The following EXOC4 variants were observed in gnomAD, a reference collection of about 807,000 sequenced individuals.
EXOC4 encodes SEC8-like 1.
In EXOC4, 71 loss-of-function variants were observed where a neutral mutation model predicts 107.2. That is an observed-to-expected ratio of 0.66 (90% CI 0.55 to 0.81). EXOC4 has a LOEUF of 0.81. Ranked by LOEUF, EXOC4 falls within the 30% of genes least tolerant of loss-of-function variation. The pLI, the probability that EXOC4 is intolerant of heterozygous loss-of-function variation, is 0.00. For missense variants in EXOC4, 1,108 were observed against 1,189.6 expected (o/e 0.93, Z 1.01); for synonymous variants, 456 against 441.2 (o/e 1.03, Z -0.42).
the EXOC4 span, among the ~76,000 whole-genome samples, chr7:134,073,995 C>T: frequency 9.2e-5 from 14 of 152,190 alleles, no homozygotes; most frequent in Middle Eastern, 3.2e-3. Context: ...GGCTTTGTTC[C>T]GGGGACCTCC....
At chr7:133,786,502 G>C (rs778938115) in intron 10 of EXOC4, among the ~76,000 whole-genome samples, 21 of 152,204 alleles carry the variant, frequency 1.4e-4, no homozygotes, top group Non-Finnish European at 2.2e-4. Flanking sequence ...GGCCCAGAAC[G>C]TAACTTAGAA....
At chr7:133,452,739 G>T (rs932998984) in intron 7 of EXOC4, among the ~76,000 whole-genome samples, 1 of 151,914 alleles carries the variant, frequency 6.6e-6, no homozygotes, top group African/African-American at 2.4e-5. Flanking sequence ...GTGCTTAGCA[G>T]TGATGACAGA....
At chr7:133,820,827 A>C (rs779451813) in intron 11 of EXOC4, among the ~76,000 whole-genome samples, 1 of 152,200 alleles carries the variant, frequency 6.6e-6, no homozygotes, top group Non-Finnish European at 1.5e-5. Flanking sequence ...CACGGTGCCT[A>C]GGAGCCCTGT....
the EXOC4 span, among the ~76,000 whole-genome samples, chr7:134,087,588 T>C: frequency 9.2e-5 from 14 of 152,276 alleles, no homozygotes; most frequent in South Asian, 2.9e-3. Flanking sequence ...CAAGCTGATA[T>C]GGGGTTGCTA....
At chr7:133,654,741 T>C (rs1372001384) in intron 10 of EXOC4, among the ~76,000 whole-genome samples, 1 of 152,158 alleles carries the variant, frequency 6.6e-6, no homozygotes, top group East Asian at 1.9e-4. Flanking sequence ...AAATGCGCCA[T>C]TAGGTGATTT....
chr7:133,770,841 A>C (rs1170909792), intron 10 of EXOC4, among the ~76,000 whole-genome samples: 2 of 151,924 alleles, frequency 1.3e-5, no homozygotes, highest in African/African-American at 4.8e-5. Context: ...TTTGATTATG[A>C]GGTGCTACCC....
At chr7:133,460,455 C>A (rs1798564896) in intron 7 of EXOC4, among the ~76,000 whole-genome samples, 1 of 152,104 alleles carries the variant, frequency 6.6e-6, no homozygotes. Context: ...TTTGATTAAC[C>A]TTTTAAATTT....
intron 9 of EXOC4, among the ~76,000 whole-genome samples, chr7:133,575,061 A>G (rs565864273): frequency 6.6e-6 from 1 of 152,342 alleles, no homozygotes; most frequent in East Asian, 1.9e-4. Flanking sequence ...GATGCATTCA[A>G]TTCACAGCTA....
intron 14 of EXOC4, among the ~76,000 whole-genome samples, chr7:133,986,208 A>G (rs1032398049): frequency 1.3e-5 from 2 of 152,224 alleles, no homozygotes; most frequent in Non-Finnish European, 2.9e-5. Flanking sequence ...AATAGTTCAA[A>G]CCTAAAATTT....
chr7:133,786,980 A>T (rs1796582009), intron 10 of EXOC4, among the ~76,000 whole-genome samples: 1 of 152,234 alleles, frequency 6.6e-6, no homozygotes, highest in Non-Finnish European at 1.5e-5. Flanking sequence ...TCAATATAAG[A>T]TATAAACAGA....
At chr7:133,453,128 T>G (rs1798384978) in intron 7 of EXOC4, among the ~76,000 whole-genome samples, 1 of 152,212 alleles carries the variant, frequency 6.6e-6, no homozygotes, top group African/African-American at 2.4e-5. Flanking sequence ...ACTGTGAGAA[T>G]ATAAAAATCG....
intron 5 of EXOC4, among the ~76,000 whole-genome samples, chr7:133,323,514 T>A (rs1795164280): frequency 6.6e-6 from 1 of 152,210 alleles, no homozygotes; most frequent in Non-Finnish European, 1.5e-5. Flanking sequence ...GGATTATGTT[T>A]ATTGATTTGT....
At chr7:133,913,986 G>A (rs569592412) in intron 12 of EXOC4, among the ~76,000 whole-genome samples, 3 of 152,248 alleles carry the variant, frequency 2.0e-5, no homozygotes, top group African/African-American at 7.2e-5. Context: ...CAAGAAGAGA[G>A]TAATCAAAAG....
chr7:133,450,566 G>T (rs1054579904), intron 7 of EXOC4, among the ~76,000 whole-genome samples: 1 of 152,098 alleles, frequency 6.6e-6, no homozygotes, highest in South Asian at 2.1e-4. Flanking sequence ...CTGACTGTTG[G>T]AATATGAAGA....
At chr7:134,069,223 C>CTTCTTCTCT (rs1796233355), downstream of EXOC4, among the ~76,000 whole-genome samples, 1 of 148,872 alleles carries the variant, frequency 6.7e-6, no homozygotes, top group Admixed American at 6.6e-5. Flanking sequence ...TCTTCTTCTC[C>CTTCTTCTCT]TTCTTCTTCT....
intron 10 of EXOC4, among the ~76,000 whole-genome samples, chr7:133,668,836 G>A (rs1387648687): frequency 1.3e-5 from 2 of 152,152 alleles, no homozygotes; most frequent in Non-Finnish European, 2.9e-5. Flanking sequence ...AGAGAGCCAG[G>A]TGGTGAGGGG....
intron 9 of EXOC4, among the ~76,000 whole-genome samples, chr7:133,491,084 A>G (rs1799364016): frequency 1.3e-5 from 2 of 152,312 alleles, no homozygotes; most frequent in Admixed American, 6.5e-5. Context: ...CTGTGTGCTC[A>G]CATCTGATTT....
At chr7:134,030,664 C>T (rs1795247800) in intron 17 of EXOC4, among the ~76,000 whole-genome samples, 2 of 150,810 alleles carry the variant, frequency 1.3e-5, no homozygotes, top group Admixed American at 6.6e-5. Flanking sequence ...CTTGTTGACC[C>T]GCACCCCCCC....
At chr7:133,930,784 A>G (rs768655069) in intron 13 of EXOC4, 4 of 151,758 alleles carry the variant, frequency 2.6e-5, no homozygotes, top group Non-Finnish European at 4.4e-5. Flanking sequence ...GTTTATGTGT[A>G]TTTATTTGTT....
Sources: gnomAD v4.1 joint callset for allele counts (sites outside exome capture counted in the v4.1 genomes callset) on GRCh38, gnomAD v4.1.1 for gene constraint, MANE v1.5 for transcripts, NCBI Gene and HGNC (gene_info 2026-07-23, HGNC 2026-07-21) for gene names.